Variants in MTHFD1L observed in about 807,000 individuals in gnomAD.
The protein encoded by MTHFD1L is monofunctional C1-tetrahydrofolate synthase, mitochondrial.
A neutral mutation model predicts 119.5 loss-of-function variants in MTHFD1L; 81 were observed. That is an observed-to-expected ratio of 0.68 (90% CI 0.57 to 0.82). The LOEUF (loss-of-function observed/expected upper bound fraction) is 0.82, where lower values mean the gene tolerates loss of function less well. MTHFD1L is among the 40% of genes least tolerant of loss of function. The pLI is 0.00. For missense variants in MTHFD1L, 1,125 were observed against 1,253.4 expected (o/e 0.90, Z 1.55); for synonymous variants, 430 against 475.2 (o/e 0.90, Z 1.24).
intron 1 of MTHFD1L, among the ~76,000 whole-genome samples, chr6:150,866,955 G>T (rs1043420974): frequency 1.3e-5 from 2 of 152,178 alleles, no homozygotes; most frequent in African/African-American, 2.4e-5. Context: ...CGAGTTCCAG[G>T]ATGCGGTTTC....
chr6:150,955,568 C>T (rs1376515315), intron 16 of MTHFD1L, among the ~76,000 whole-genome samples: 7 of 147,202 alleles, frequency 4.8e-5, no homozygotes, highest in African/African-American at 1.5e-4. Flanking sequence ...GGTGCAATCT[C>T]AGCTCACTGC....
chr6:151,032,334 G>A (rs956551870), intron 24 of MTHFD1L, among the ~76,000 whole-genome samples: 5 of 152,132 alleles, frequency 3.3e-5, no homozygotes, highest in East Asian at 1.9e-4. Context: ...AGGTGAAGGC[G>A]GGGGGAGCCA....
chr6:151,013,848 T>G, intron 22 of MTHFD1L, 28 bp downstream of exon 22: 1 of 1,589,760 alleles, frequency 6.3e-7, no homozygotes, highest in Non-Finnish European at 8.6e-7. Context: ...GATGCTTATG[T>G]GAAGAATCTC....
intron 20 of MTHFD1L, among the ~76,000 whole-genome samples, chr6:151,007,201 C>G (rs116655886): frequency 4.0e-5 from 6 of 151,878 alleles, no homozygotes; most frequent in Admixed American, 3.9e-4. Flanking sequence ...ATTCTCAGAG[C>G]CTGACTCCAT....
At chr6:151,079,180 C>T (rs1792870565) in intron 26 of MTHFD1L, among the ~76,000 whole-genome samples, 1 of 152,068 alleles carries the variant, frequency 6.6e-6, no homozygotes, top group Admixed American at 6.5e-5. Context: ...GGTTACATAG[C>T]TCTGATAAAT....
At chr6:151,050,556 A>G (rs75108918) in intron 26 of MTHFD1L, among the ~76,000 whole-genome samples, 3,973 of 152,216 alleles carry the variant, frequency 0.026, 176 homozygotes, top group African/African-American at 0.09. Flanking sequence ...CAAAGAGGGG[A>G]GTCCTAGGAA....
intron 8 of MTHFD1L, among the ~76,000 whole-genome samples, chr6:150,911,039 T>C (rs1449695651): frequency 6.6e-6 from 1 of 152,232 alleles, no homozygotes; most frequent in Non-Finnish European, 1.5e-5. Context: ...CACTGTTTTC[T>C]TTTATTTATT....
At position 150,882,897 on chromosome 6, in the gene MTHFD1L, A is replaced by G; in HGVS notation, c.542+11A>G. The stretch of plus-strand genomic sequence containing the variant: ...AAAAGATGTGGATGGGTAAGAAAAT[A>G]AAATCAAATAATCAACCTTTATGGC... On this transcript the variant is annotated intron_variant, in intron 5 of 27. Coordinates refer to ENST00000367321, the MANE Select transcript of MTHFD1L (RefSeq NM_015440.5). The G allele has an allele frequency of 6.4e-7, 1 of 1,562,516 alleles. No homozygotes were observed.
intron 13 of MTHFD1L, among the ~76,000 whole-genome samples, chr6:150,939,858 G>A (rs1267265145): frequency 6.6e-6 from 1 of 151,748 alleles, no homozygotes; most frequent in African/African-American, 2.4e-5. Context: ...CTGATTTTTT[G>A]TATTTTAGTA....
At chr6:150,894,652 G>T (rs1783918649) in intron 7 of MTHFD1L, among the ~76,000 whole-genome samples, 1 of 152,108 alleles carries the variant, frequency 6.6e-6, no homozygotes, top group Admixed American at 6.6e-5. Flanking sequence ...ATCCCTGATG[G>T]GCCAGTTACT....
At chr6:150,916,705 T>A (rs1787997120) in intron 8 of MTHFD1L, among the ~76,000 whole-genome samples, 1 of 142,596 alleles carries the variant, frequency 7.0e-6, no homozygotes, top group Admixed American at 7.3e-5. Flanking sequence ...AAAATGCAAT[T>A]TTTTAGTTTT....
chr6:150,905,036 C>CTTTTTTTT (rs36039459), intron 7 of MTHFD1L, among the ~76,000 whole-genome samples: 1 of 111,728 alleles, frequency 9.0e-6, no homozygotes, highest in African/African-American at 3.6e-5. Context: ...TTGTTTTCCT[C>CTTTTTTTT]TTTTTTTTTT....
intron 26 of MTHFD1L, among the ~76,000 whole-genome samples, chr6:151,045,987 G>A (rs1486114958): frequency 6.6e-6 from 1 of 152,120 alleles, no homozygotes; most frequent in East Asian, 1.9e-4. Context: ...TCCAGAAACT[G>A]TTTATCATAT....
chr6:151,077,895 C>CA (rs1461086987), intron 26 of MTHFD1L, among the ~76,000 whole-genome samples: 17 of 150,922 alleles, frequency 1.1e-4, no homozygotes, highest in Admixed American at 3.3e-4. Flanking sequence ...ACTAAAAATA[C>CA]AAAAAATTAG....
intron 18 of MTHFD1L, among the ~76,000 whole-genome samples, chr6:150,962,067 G>A (rs1796523228): frequency 6.6e-6 from 1 of 152,096 alleles, no homozygotes; most frequent in African/African-American, 2.4e-5. Flanking sequence ...TTGGCTCACT[G>A]CAACCTCTGC....
chr6:150,988,903 G>A (rs1778683201), intron 20 of MTHFD1L, among the ~76,000 whole-genome samples: 1 of 152,292 alleles, frequency 6.6e-6, no homozygotes, highest in Middle Eastern at 3.4e-3. Flanking sequence ...ACCATACCCA[G>A]CTAATTTTGT....
chr6:150,904,991 C>T (rs1785648412), intron 7 of MTHFD1L, among the ~76,000 whole-genome samples: 1 of 151,840 alleles, frequency 6.6e-6, no homozygotes, highest in Admixed American at 6.6e-5. Flanking sequence ...GGCCAGCAAG[C>T]CCCCTGTGTG....
At position 150,908,470 on chromosome 6, in the gene MTHFD1L, C is replaced by CA. The variant is rs574062168; in HGVS notation, c.892+2716dup. ...GAAACTCTTGTCTCTATTAAAAATA[C>CA]AAAAAAATTAGCTGGGCTTGGTGGC... On this transcript the variant is annotated intron_variant, in intron 8 of 27. Coordinates refer to ENST00000367321, the MANE Select transcript of MTHFD1L (RefSeq NM_015440.5). 1.9e-3 allele frequency among the ~76,000 whole-genome samples: 285 copies of CA among 151,412 alleles called. 2 individuals are homozygous for CA. The highest frequency in any genetic ancestry group is 6.4e-3 in the African/African-American group (265 of 41,354).
chr6:150,944,476 A>T lies in MTHFD1L; in HGVS notation c.1441-10A>T. 6.3e-7 allele frequency: 1 copy of T among 1,594,656 alleles called. No homozygotes were observed. Among genetic ancestry groups the T allele is most frequent in the Non-Finnish European group, 8.6e-7 (1 of 1,164,332 alleles). ...AAATAAATAAATAGAAAGATATCTT[A>T]TTTCTCTAGTTCAACCTTCACTTGA... On this transcript the variant is annotated splice_polypyrimidine_tract_variant and intron_variant, in intron 13 of 27. Coordinates refer to ENST00000367321, the MANE Select transcript of MTHFD1L (RefSeq NM_015440.5).
Sources: gnomAD v4.1 joint callset for allele counts (sites outside exome capture counted in the v4.1 genomes callset) on GRCh38, gnomAD v4.1.1 for gene constraint, MANE v1.5 for transcripts, NCBI Gene and HGNC (gene_info 2026-07-23, HGNC 2026-07-21) for gene names.